The following ADIPOR2 variants were observed in gnomAD, a reference collection of about 807,000 sequenced individuals.
ADIPOR2 encodes the protein adiponectin receptor protein 2.
In ADIPOR2, 18 loss-of-function variants were observed where a neutral mutation model predicts 40.9. The ratio of observed to expected loss-of-function variants is 0.44; its 90% CI spans 0.30 to 0.65. The LOEUF is 0.65. Ranked by LOEUF, ADIPOR2 falls within the 30% of genes least tolerant of loss-of-function variation. The pLI is 0.09. For synonymous variants in ADIPOR2, 165 were observed against 166.4 expected, an observed-to-expected ratio of 0.99 and a Z score of 0.06; for missense variants, 283 against 479.2, an observed-to-expected ratio of 0.59 and a Z score of 3.82.
At chr12:1,707,511 G>C (rs2094665872) in intron 1 of ADIPOR2, among the ~76,000 whole-genome samples, 1 of 151,620 alleles carries the variant, frequency 6.6e-6, no homozygotes, top group Non-Finnish European at 1.5e-5. Context: ...GGTCTTGTCT[G>C]TTGTCCAGGT....
intron 2 of ADIPOR2, among the ~76,000 whole-genome samples, chr12:1,765,845 TCA>T (rs1297758447): frequency 3.4e-4 from 52 of 152,286 alleles, no homozygotes; most frequent in African/African-American, 1.2e-3. Context: ...CACTCCCCCA[TCA>T]GCTTTTCCTT....
chr12:1,727,579 C>T (rs555206287), intron 1 of ADIPOR2, among the ~76,000 whole-genome samples: 2 of 152,240 alleles, frequency 1.3e-5, no homozygotes, highest in South Asian at 4.2e-4. Context: ...ACATGTGCTC[C>T]CTGGCACCCA....
At chr12:1,754,057 A>C (rs1862060194) in intron 1 of ADIPOR2, among the ~76,000 whole-genome samples, 1 of 152,154 alleles carries the variant, frequency 6.6e-6, no homozygotes, top group East Asian at 1.9e-4. Context: ...GGAACATATT[A>C]TTCATGTTGT....
intron 1 of ADIPOR2, chr12:1,696,786 GT>G (rs1373985975): frequency 6.5e-6 from 1 of 153,352 alleles, no homozygotes; most frequent in Non-Finnish European, 1.5e-5. Context: ...CTGAATCACA[GT>G]TATAGTAGAC....
In ADIPOR2 at chr12:1,780,882, G is replaced by A; in HGVS notation, c.651-7G>A. On this transcript the variant is annotated splice_region_variant and splice_polypyrimidine_tract_variant and intron_variant, in intron 5 of 7. Transcript: ENST00000357103. ...TGCATTAAATGGATTTTTTTTTTCT[G>A]TCATAGACTGGATTACTCTGGTATT... 6.3e-7 allele frequency: 1 copy of A among 1,578,342 alleles called. No individual in the cohort carries two copies. Among genetic ancestry groups the A allele is most frequent in the Non-Finnish European group, 8.6e-7 (1 of 1,166,242 alleles).
intron 1 of ADIPOR2, among the ~76,000 whole-genome samples, chr12:1,748,058 CT>C (rs1442252369): frequency 6.6e-6 from 1 of 152,010 alleles, no homozygotes; most frequent in Admixed American, 6.6e-5. Flanking sequence ...CAAACTGTGC[CT>C]ATTGGTGTCC....
chr12:1,718,203 C>T (rs1456000222), intron 1 of ADIPOR2, among the ~76,000 whole-genome samples: 1 of 151,868 alleles, frequency 6.6e-6, no homozygotes, highest in Admixed American at 6.6e-5. Context: ...TGTGTATAGC[C>T]TCTCTTTCAT....
At chr12:1,741,353 A>C (rs1592602796) in intron 1 of ADIPOR2, among the ~76,000 whole-genome samples, 1 of 152,104 alleles carries the variant, frequency 6.6e-6, no homozygotes, top group Non-Finnish European at 1.5e-5. Flanking sequence ...CATGGCAGGG[A>C]AGAGAAAAAG....
intron 1 of ADIPOR2, among the ~76,000 whole-genome samples, chr12:1,715,425 T>C (rs1383997203): frequency 6.6e-6 from 1 of 152,096 alleles, no homozygotes; most frequent in Non-Finnish European, 1.5e-5. Context: ...TTAGGATGCA[T>C]TTCAAGGGTG....
At chr12:1,724,283 A>G (rs1333126851) in intron 1 of ADIPOR2, among the ~76,000 whole-genome samples, 1 of 152,180 alleles carries the variant, frequency 6.6e-6, no homozygotes, top group Admixed American at 6.5e-5. Context: ...ACCCGGCCAC[A>G]AAGTGGAATC....
At chr12:1,744,954 A>G (rs1287935367) in intron 1 of ADIPOR2, among the ~76,000 whole-genome samples, 1 of 152,150 alleles carries the variant, frequency 6.6e-6, no homozygotes, top group Non-Finnish European at 1.5e-5. Context: ...TTTTTGCATT[A>G]TTAATTAAAG....
rs574914816 is a variant in ADIPOR2, at chr12:1,719,552, C to T, written c.-87+28361C>T. Among the ~76,000 whole-genome samples, 33 of 152,274 alleles carry T rather than the reference C, an allele frequency of 2.2e-4. 1 individual carries two copies. The highest frequency in any genetic ancestry group is 5.2e-4 in the Admixed American group (8 of 15,290). ...AAATGGGGAAAATAATCATATGTAT[C>T]TTCCAGGATTGTTGTAAGGATTAAA... is the stretch of plus-strand genomic sequence containing the variant. On this transcript the variant is annotated intron_variant, in intron 1 of 7. Coordinates refer to ENST00000357103, the MANE Select transcript of ADIPOR2 (RefSeq NM_024551.3).
chr12:1,735,634 TGAATA>T (rs2094728839), intron 1 of ADIPOR2, among the ~76,000 whole-genome samples: 4 of 152,316 alleles, frequency 2.6e-5, no homozygotes, highest in Non-Finnish European at 4.4e-5. Flanking sequence ...AACACTATGT[TGAATA>T]GGAGTGGTGA....
At chr12:1,723,564 C>T (rs150216068) in intron 1 of ADIPOR2, among the ~76,000 whole-genome samples, 24 of 151,456 alleles carry the variant, frequency 1.6e-4, no homozygotes, top group Admixed American at 7.9e-4. Context: ...TTGCTTGAAG[C>T]GAGAGGTGGA....
intron 1 of ADIPOR2, among the ~76,000 whole-genome samples, chr12:1,737,359 A>G (rs780147178): frequency 6.6e-6 from 1 of 151,894 alleles, no homozygotes; most frequent in Non-Finnish European, 1.5e-5. Context: ...TTTTTCTTAC[A>G]GTATTGTCAT....
chr12:1,757,800 G>C (rs554379719), intron 2 of ADIPOR2: 2 of 881,548 alleles, frequency 2.3e-6, no homozygotes, highest in African/African-American at 3.3e-5. Context: ...CCTTGCCATC[G>C]ATCTTAATGA....
intron 1 of ADIPOR2, among the ~76,000 whole-genome samples, chr12:1,732,551 A>C (rs77076503): frequency 0.044 from 6,775 of 152,250 alleles, 248 homozygotes; most frequent in East Asian, 0.18. Context: ...TTGTTTATTC[A>C]TTGACCTATT....
intron 6 of ADIPOR2, 144 bp downstream of exon 6, chr12:1,781,220 G>C: frequency 1.1e-6 from 1 of 923,542 alleles, no homozygotes; most frequent in Non-Finnish European, 1.5e-6. Flanking sequence ...TATTGTTGGG[G>C]GTTTTTTTAT....
intron 1 of ADIPOR2, 33 bp downstream of exon 1, chr12:1,691,224 C>G (rs2154440965): frequency 6.5e-6 from 1 of 153,708 alleles, no homozygotes; most frequent in South Asian, 1.8e-4. Flanking sequence ...GTGAGGGTCT[C>G]TGGAGTGTGG....
Sources: allele counts gnomAD v4.1 joint callset (sites outside exome capture counted in the v4.1 genomes callset), GRCh38; gene constraint gnomAD v4.1.1; transcripts MANE v1.5; gene names NCBI Gene and HGNC (gene_info 2026-07-23, HGNC 2026-07-21).